The following GDPD5 variants were observed in gnomAD, a reference collection of about 807,000 sequenced individuals.
GDPD5 encodes the protein glycerophosphodiester phosphodiesterase 2.
A neutral mutation model predicts 75.1 loss-of-function variants in GDPD5; 48 were observed. That is an observed-to-expected ratio of 0.64 (90% CI 0.51 to 0.81). The LOEUF is 0.81. Ranked by LOEUF, GDPD5 falls within the 40% of genes least tolerant of loss-of-function variation. The pLI, the probability that GDPD5 is intolerant of heterozygous loss-of-function variation, is 0.00. For missense variants in GDPD5, 706 were observed against 822.6 expected (o/e 0.86, Z 1.73); for synonymous variants, 336 against 339.0 (o/e 0.99, Z 0.10).
At position 75,525,909 on chromosome 11, in the gene GDPD5, C is replaced by T. The variant is rs1435710161; in HGVS notation, c.-844G>A. ...CACCTCCGCTGTCATCCCCGCCACC[C>T]ACCCCCACCGGAGCCGCAGCCCGAG... is the stretch of plus-strand genomic sequence containing the variant. On this transcript the variant is annotated 5_prime_UTR_variant, in exon 1 of 17. Coordinates refer to ENST00000336898, the MANE Select transcript of GDPD5 (RefSeq NM_030792.8). The T allele has an allele frequency of 6.6e-6, 1 of 151,368 alleles. No individual in the cohort carries two copies. The highest frequency in any genetic ancestry group is 2.4e-5 in the African/African-American group (1 of 41,290). 9.4% of individuals were successfully genotyped at this position (151,368 alleles called of 1,614,324 possible).
chr11:75,436,920 C>T lies in GDPD5; in HGVS notation c.1669+16G>A. 6.3e-7 allele frequency: 1 copy of T among 1,598,908 alleles called. No individual in the cohort carries two copies. The highest frequency in any genetic ancestry group is 1.7e-5 in the Admixed American group (1 of 59,940). On this transcript the variant is annotated intron_variant, in intron 16 of 16. Transcript: ENST00000336898. Reference sequence around the variant, plus strand: ...GGGCCCAGGGCCTGCCTCCACCTGTCTGCAGGGCTGTGTACCTGAGAAAAT... The same window carrying T: ...GGGCCCAGGGCCTGCCTCCACCTGTTTGCAGGGCTGTGTACCTGAGAAAAT...
chr11:75,512,699 T>C (rs898408978), intron 1 of GDPD5, among the ~76,000 whole-genome samples: 1 of 152,094 alleles, frequency 6.6e-6, no homozygotes, highest in African/African-American at 2.4e-5. Flanking sequence ...GTGGATCACC[T>C]GAGGTCAGGA....
chr11:75,467,778 G>A (rs925177444), intron 3 of GDPD5, among the ~76,000 whole-genome samples: 1 of 152,102 alleles, frequency 6.6e-6, no homozygotes, highest in Middle Eastern at 3.2e-3. Flanking sequence ...AGAGGCCACT[G>A]CATCTCCTTC....
chr11:75,497,903 G>C (rs756162729), intron 1 of GDPD5, among the ~76,000 whole-genome samples: 6 of 152,178 alleles, frequency 3.9e-5, no homozygotes, highest in African/African-American at 1.2e-4. Flanking sequence ...CACCTTTCTG[G>C]GCATCCACTG....
At position 75,435,727 on chromosome 11, in the gene GDPD5, A is replaced by C; in HGVS notation, c.1670-72T>G. ...CGTGAGGATGGGTGACAGATGGGGCAGGAAGGCTGCACCACCCAGCGGGGC... is the reference window on the plus strand; with the variant it reads ...CGTGAGGATGGGTGACAGATGGGGCCGGAAGGCTGCACCACCCAGCGGGGC... On this transcript the variant is annotated intron_variant, in intron 16 of 16. Transcript: ENST00000336898. The C allele has an allele frequency of 2.0e-6, 3 of 1,493,246 alleles. No individual in the cohort carries two copies. The South Asian group carries it at 3.9e-5, about 20-fold the overall frequency. The allele number at this position is 1,493,246 out of a possible 1,614,324, so 92.5% of individuals were successfully genotyped here. A position where few individuals can be genotyped will look rare whatever the true frequency, so the allele number is the denominator to read the frequency against.
chr11:75,486,193 G>T (rs1279093585), intron 2 of GDPD5, among the ~76,000 whole-genome samples: 2 of 152,148 alleles, frequency 1.3e-5, no homozygotes, highest in Non-Finnish European at 2.9e-5. Context: ...GCAGAGAGGG[G>T]GCTGCTCGAG....
chr11:75,502,200 C>T (rs1364759652), intron 1 of GDPD5, among the ~76,000 whole-genome samples: 1 of 152,222 alleles, frequency 6.6e-6, no homozygotes, highest in Non-Finnish European at 1.5e-5. Context: ...TCAGGGCAGC[C>T]CTGCCACCTG....
intron 3 of GDPD5, among the ~76,000 whole-genome samples, chr11:75,463,698 C>A (rs936966388): frequency 2.0e-5 from 3 of 152,228 alleles, no homozygotes; most frequent in Admixed American, 1.3e-4. Flanking sequence ...GGTGTAAAGT[C>A]ACAGAGGCAG....
chr11:75,501,471 C>T (rs1333471913), intron 1 of GDPD5, among the ~76,000 whole-genome samples: 1 of 152,240 alleles, frequency 6.6e-6, no homozygotes, highest in East Asian at 1.9e-4. Flanking sequence ...CATACAAAGA[C>T]AGGTCCACAG....
intron 3 of GDPD5, among the ~76,000 whole-genome samples, chr11:75,467,389 T>C (rs935302539): frequency 6.6e-6 from 1 of 152,102 alleles, no homozygotes; most frequent in Non-Finnish European, 1.5e-5. Flanking sequence ...TGTCTCTATG[T>C]CTCCTGGGCC....
At chr11:75,498,874 A>T (rs1044511079) in intron 1 of GDPD5, among the ~76,000 whole-genome samples, 2 of 152,132 alleles carry the variant, frequency 1.3e-5, no homozygotes, top group African/African-American at 2.4e-5. Flanking sequence ...GAGAGGTATG[A>T]ATTCTCCAGC....
intron 1 of GDPD5, among the ~76,000 whole-genome samples, chr11:75,499,111 T>C (rs1276583585): frequency 6.6e-6 from 1 of 152,182 alleles, no homozygotes; most frequent in East Asian, 1.9e-4. Context: ...CTTCTAGGTC[T>C]GCTTCAGGTG....
intron 1 of GDPD5, among the ~76,000 whole-genome samples, chr11:75,500,751 C>T (rs1016268697): frequency 6.6e-6 from 1 of 152,130 alleles, no homozygotes; most frequent in Non-Finnish European, 1.5e-5. Context: ...CAAGACACCT[C>T]CATTCCCTCC....
At chr11:75,504,048 G>A (rs997979346) in intron 1 of GDPD5, among the ~76,000 whole-genome samples, 6 of 152,216 alleles carry the variant, frequency 3.9e-5, no homozygotes, top group Non-Finnish European at 8.8e-5. Context: ...GAACTTGAAT[G>A]AGTCCCTGCC....
chr11:75,479,842 A>T (rs1949867394), intron 2 of GDPD5, among the ~76,000 whole-genome samples: 1 of 152,222 alleles, frequency 6.6e-6, no homozygotes, highest in African/African-American at 2.4e-5. Flanking sequence ...TTCACGTGGC[A>T]TAATGTTCTC....
At chr11:75,505,465 G>A (rs1025467116) in intron 1 of GDPD5, among the ~76,000 whole-genome samples, 1 of 152,104 alleles carries the variant, frequency 6.6e-6, no homozygotes, top group African/African-American at 2.4e-5. Flanking sequence ...GCATGACCTT[G>A]GGCCAGTCCT....
chr11:75,521,943 G>GT (rs1239571880), intron 1 of GDPD5, among the ~76,000 whole-genome samples: 1 of 152,140 alleles, frequency 6.6e-6, no homozygotes, highest in East Asian at 1.9e-4. Flanking sequence ...CTTACAGGCC[G>GT]TAAGGAGCCA....
intron 1 of GDPD5, among the ~76,000 whole-genome samples, chr11:75,521,653 G>A (rs1410995743): frequency 6.6e-6 from 1 of 152,202 alleles, no homozygotes; most frequent in Non-Finnish European, 1.5e-5. Flanking sequence ...TACTATTACT[G>A]CTGAATGTTA....
rs373413383 is a variant in GDPD5, at chr11:75,449,955, G to A, written c.404C>T (p.Thr135Met). 22 of 1,613,756 alleles carry A rather than the reference G, an allele frequency of 1.4e-5. No individual in the cohort carries two copies. The highest frequency in any genetic ancestry group is 6.7e-5 in the East Asian group (3 of 44,884). ...GGCCACGGCCGACATGGCCACCACC[G>A]TGGAAGCCAGGATGACCACCAGCCC... The part of the protein sequence containing the change: ...KIGLVVILAS[T>M]VVAMSAVAQL... Residue 135 changes from threonine to methionine, a missense_variant, in exon 7 of 17, where the codon ACG becomes ATG. Thr to Met is a moderately conservative substitution (Grantham distance 81). Transcript: ENST00000336898.
Sources: gnomAD v4.1 joint callset for allele counts (sites outside exome capture counted in the v4.1 genomes callset) on GRCh38, gnomAD v4.1.1 for gene constraint, MANE v1.5 for transcripts, NCBI Gene and HGNC (gene_info 2026-07-23, HGNC 2026-07-21) for gene names.